The following SCAPER variants were observed in gnomAD, a reference collection of about 807,000 sequenced individuals.
SCAPER encodes S phase cyclin A-associated protein in the endoplasmic reticulum.
SCAPER carries 98 observed loss-of-function variants against 182.2 expected under a neutral mutation model. That is an observed-to-expected ratio of 0.54 (90% CI 0.46 to 0.64). SCAPER has a LOEUF of 0.64. SCAPER is among the 30% of genes least tolerant of loss of function. The pLI, the probability that SCAPER is intolerant of heterozygous loss-of-function variation, is 0.00. For missense variants in SCAPER, 1,432 were observed against 1,690.0 expected (o/e 0.85, Z 2.68); for synonymous variants, 605 against 564.6 (o/e 1.07, Z -1.01).
intron 22 of SCAPER, among the ~76,000 whole-genome samples, chr15:76,578,310 G>A (rs1426133226): frequency 6.6e-6 from 1 of 152,148 alleles, no homozygotes; most frequent in Non-Finnish European, 1.5e-5. Context: ...TAAGCCTGGC[G>A]GGTTTTGCTA....
At chr15:76,668,099 T>C (rs914041015) in intron 20 of SCAPER, among the ~76,000 whole-genome samples, 12 of 152,230 alleles carry the variant, frequency 7.9e-5, no homozygotes, top group Admixed American at 1.3e-4. Context: ...CTGAAAGTGT[T>C]CTCTATTTGA....
intron 5 of SCAPER, among the ~76,000 whole-genome samples, chr15:76,833,953 T>C (rs1021058451): frequency 1.3e-5 from 2 of 152,074 alleles, no homozygotes; most frequent in African/African-American, 4.8e-5. Context: ...CCGATCAAGG[T>C]AGAAAATTAA....
At chr15:76,434,934 C>G (rs896737718) in intron 25 of SCAPER, among the ~76,000 whole-genome samples, 1 of 152,170 alleles carries the variant, frequency 6.6e-6, no homozygotes, top group African/African-American at 2.4e-5. Context: ...CTCCCTAGCT[C>G]CCAGGACAAC....
At chr15:76,715,343 G>A (rs756611949) in intron 17 of SCAPER, among the ~76,000 whole-genome samples, 7 of 151,928 alleles carry the variant, frequency 4.6e-5, no homozygotes, top group Non-Finnish European at 7.4e-5. Flanking sequence ...TATGCCTTCT[G>A]GGGCTGACCA....
chr15:76,839,696 C>T (rs1017087390), intron 5 of SCAPER, among the ~76,000 whole-genome samples: 1 of 152,118 alleles, frequency 6.6e-6, no homozygotes, highest in Non-Finnish European at 1.5e-5. Context: ...ATAACTTACA[C>T]ACAAAAAAAT....
rs11858492 is a variant in SCAPER at position 76,525,514 on chromosome 15, C to T, written c.2839-20540G>A. Among the ~76,000 whole-genome samples the T allele has an allele frequency of 8.1e-3, 1,230 of 152,226 alleles. 13 individuals carry two copies. Among genetic ancestry groups the T allele is most frequent in the African/African-American group, 0.028 (1,167 of 41,534 alleles). On this transcript the variant is annotated intron_variant, in intron 23 of 31. Transcript: ENST00000563290. The stretch of plus-strand genomic sequence containing the variant: ...ACCCAACAGGTAGTTTTTCAACTTG[C>T]TCCCCCTCCCTCCCCTTCTAGTTGT...
intron 21 of SCAPER, among the ~76,000 whole-genome samples, chr15:76,630,949 T>C (rs150063619): frequency 5.3e-5 from 8 of 152,352 alleles, no homozygotes; most frequent in African/African-American, 9.6e-5. Flanking sequence ...TGTAGGTCTC[T>C]AAGAACTTGT....
At chr15:76,483,248 A>G (rs1260734235) in intron 24 of SCAPER, among the ~76,000 whole-genome samples, 1 of 151,864 alleles carries the variant, frequency 6.6e-6, no homozygotes, top group Non-Finnish European at 1.5e-5. Context: ...CCAAACAAAG[A>G]ACAGTCATTT....
rs189149876 is a variant in SCAPER, at chr15:76,358,799, T to C, written c.3856-4659A>G. On this transcript the variant is annotated intron_variant, in intron 29 of 31. Transcript: ENST00000563290. ...TTCTCATCAACCTCAGCCGGAATTA[T>C]GTTCCATTAGAAAGGCTACCATCTC... 3.3e-5 allele frequency among the ~76,000 whole-genome samples: 5 copies of C among 152,364 alleles called. No homozygotes were observed. The East Asian group carries it at 9.6e-4, about 29-fold the overall frequency.
At chr15:76,425,909 C>G (rs565600031) in intron 26 of SCAPER, among the ~76,000 whole-genome samples, 1 of 152,202 alleles carries the variant, frequency 6.6e-6, no homozygotes, top group Non-Finnish European at 1.5e-5. Flanking sequence ...GTATCAGCAG[C>G]GGAGGCTGCA....
In SCAPER at chr15:76,621,641, G is replaced by A. The variant is rs1011733095; in HGVS notation, c.2711+123C>T. 1.3e-5 allele frequency: 11 copies of A among 817,472 alleles called. No homozygotes were observed. In the East Asian group the frequency reaches 1.4e-4, roughly 10 times the overall value. The allele number at this position is 817,472 out of a possible 1,614,324, so 50.6% of individuals were successfully genotyped here. ...CTCTAGTTGGATACTACTGTGTTAA[G>A]AGAATGCTGTTCTAGAAATTAGAAT... On this transcript the variant is annotated intron_variant, in intron 22 of 31. Coordinates refer to ENST00000563290, the MANE Select transcript of SCAPER (RefSeq NM_020843.4).
intron 21 of SCAPER, among the ~76,000 whole-genome samples, chr15:76,639,069 G>C (rs2053883594): frequency 6.6e-6 from 1 of 152,184 alleles, no homozygotes; most frequent in East Asian, 1.9e-4. Flanking sequence ...GAATAAATAG[G>C]AGAAAAACAG....
chr15:76,715,926 C>A (rs1461197866), intron 17 of SCAPER, among the ~76,000 whole-genome samples: 1 of 152,110 alleles, frequency 6.6e-6, no homozygotes, highest in South Asian at 2.1e-4. Flanking sequence ...CCTGAAGTCC[C>A]AGGTGCTACA....
In SCAPER at chr15:76,442,215, G is replaced by A. The variant is rs552552066; in HGVS notation, c.3079-7905C>T. On this transcript the variant is annotated intron_variant, in intron 25 of 31. Transcript: ENST00000563290. ...CTGCTTCAGTTACTGTAGTCTATGAGGTACATCTTTTCTTTTCCCCACCCC... is the reference window on the plus strand; with the variant it reads ...CTGCTTCAGTTACTGTAGTCTATGAAGTACATCTTTTCTTTTCCCCACCCC... 3.9e-5 allele frequency among the ~76,000 whole-genome samples: 6 copies of A among 152,220 alleles called. No homozygotes were observed. The South Asian group carries it at 1.2e-3, about 32-fold the overall frequency.
intron 22 of SCAPER, among the ~76,000 whole-genome samples, chr15:76,587,119 T>C (rs2048725134): frequency 6.6e-6 from 1 of 152,184 alleles, no homozygotes; most frequent in Non-Finnish European, 1.5e-5. Context: ...TACCCTTGAA[T>C]GATCTTTTGT....
intron 5 of SCAPER, among the ~76,000 whole-genome samples, chr15:76,816,829 T>C (rs1442855651): frequency 6.6e-6 from 1 of 152,024 alleles, no homozygotes; most frequent in Non-Finnish European, 1.5e-5. Context: ...ATTTTTTTTG[T>C]ATTTTTGTAT....
Position 76,572,483 on chromosome 15 carries a change from A to T in SCAPER, c.2838+1675T>A, listed in dbSNP as rs2047498461. On this transcript the variant is annotated intron_variant, in intron 23 of 31. Transcript: ENST00000563290. ...CTTTACAGCTCTGCCACAATGCCACACTGAATAGGCTGCTTTCGATTCCTC... is the reference window on the plus strand; with the variant it reads ...CTTTACAGCTCTGCCACAATGCCACTCTGAATAGGCTGCTTTCGATTCCTC... Among the ~76,000 whole-genome samples, 3 of 152,326 alleles carry T rather than the reference A, an allele frequency of 2.0e-5. No homozygotes were observed. The South Asian group carries it at 6.2e-4, about 32-fold the overall frequency.
intron 20 of SCAPER, among the ~76,000 whole-genome samples, chr15:76,675,968 G>A (rs886421522): frequency 1.4e-4 from 21 of 152,114 alleles, no homozygotes; most frequent in African/African-American, 5.1e-4. Context: ...GGGATTACAG[G>A]CGCCCGCCAC....
intron 8 of SCAPER, among the ~76,000 whole-genome samples, chr15:76,778,427 A>C (rs1489029416): frequency 1.3e-5 from 2 of 152,184 alleles, no homozygotes; most frequent in African/African-American, 4.8e-5. Context: ...TGTTTAAAAT[A>C]CTATGAGTAA....
Sources: allele counts gnomAD v4.1 joint callset (sites outside exome capture counted in the v4.1 genomes callset), GRCh38; gene constraint gnomAD v4.1.1; transcripts MANE v1.5; gene names NCBI Gene and HGNC (gene_info 2026-07-23, HGNC 2026-07-21).